CLTA: variants seen among roughly 807,000 people sequenced by gnomAD.
CLTA encodes the protein clathrin light chain A.
Under a neutral mutation model 26.9 loss-of-function variants are expected in CLTA, and 9 were observed. The observed-to-expected ratio is 0.33, with a 90% CI of 0.20 to 0.58. The LOEUF is 0.58. CLTA is among the 20% of genes least tolerant of loss of function. The pLI is 0.85. For missense variants in CLTA, 278 were observed against 294.2 expected (o/e 0.94, Z 0.40); for synonymous variants, 120 against 115.5 (o/e 1.04, Z -0.25).
At chr9:36,193,400 G>A (rs944260120) in intron 1 of CLTA, among the ~76,000 whole-genome samples, 1 of 150,824 alleles carries the variant, frequency 6.6e-6, no homozygotes, top group Non-Finnish European at 1.5e-5. Flanking sequence ...TTAGCTTTGT[G>A]ATCTCAGACA....
intron 4 of CLTA, 21 bp from the exon 5 acceptor site, chr9:36,211,582 A>T: frequency 6.3e-7 from 1 of 1,598,264 alleles, no homozygotes; most frequent in Non-Finnish European, 8.6e-7. Context: ...ATAAACCAAC[A>T]TATTTTGTTG....
intron 4 of CLTA, among the ~76,000 whole-genome samples, chr9:36,207,447 A>G (rs545548168): frequency 2.0e-5 from 3 of 152,252 alleles, no homozygotes; most frequent in Non-Finnish European, 4.4e-5. Flanking sequence ...AGAGATGGCA[A>G]ACATTTTTTT....
chr9:36,201,357 A>G (rs1172699402), intron 3 of CLTA, among the ~76,000 whole-genome samples: 1 of 152,220 alleles, frequency 6.6e-6, no homozygotes, highest in Non-Finnish European at 1.5e-5. Flanking sequence ...TTCTCTGACC[A>G]GTAACGAGGG....
chr9:36,191,936 C>G (rs1054476614), intron 1 of CLTA, among the ~76,000 whole-genome samples: 3 of 152,066 alleles, frequency 2.0e-5, no homozygotes, highest in African/African-American at 7.2e-5. Context: ...GGCAATATTG[C>G]CTAAGCAGAA....
chr9:36,209,244 C>A, intron 4 of CLTA: 1 of 1,613,528 alleles, frequency 6.2e-7, no homozygotes, highest in Admixed American at 1.7e-5. Flanking sequence ...GCTTGCCTGC[C>A]TTTTGGACCT....
In CLTA at chr9:36,211,804, C is replaced by T. The variant is rs772337115; in HGVS notation, c.*30C>T. The T allele has an allele frequency of 1.9e-5, 29 of 1,544,088 alleles. No individual in the cohort carries two copies. The highest frequency in any genetic ancestry group is 2.6e-5 in the Non-Finnish European group (29 of 1,122,276). On this transcript the variant is annotated 3_prime_UTR_variant, in exon 5 of 5. Transcript: ENST00000345519. ...CCACCCTGTGGAAACACTACATCTG[C>T]AATATCTTAATCCTACTCAGTGAAG...
intron 1 of CLTA, among the ~76,000 whole-genome samples, chr9:36,193,588 A>G (rs1326642263): frequency 6.6e-6 from 1 of 152,140 alleles, no homozygotes; most frequent in Non-Finnish European, 1.5e-5. Flanking sequence ...GAAAGGAGTT[A>G]CAAGGCCTTT....
rs774870543 is a variant in CLTA at position 36,199,025 on chromosome 9, A to C, written c.302A>C (p.Asp101Ala). The stretch of plus-strand genomic sequence containing the variant: ...AGTTATGCAGCTATTTCACAAGTGG[A>C]TCGATTGCAGTCAGAGCCTGAAAGT... ...TDSYAAISQV[D>A]RLQSEPESIR... The change falls in exon 3 of 5, where the codon GAT becomes GCT. Residue 101 changes from aspartate to alanine, a missense_variant. By Grantham distance (126) the Asp-to-Ala change is moderately radical. Transcript: ENST00000345519. 3 of 1,613,912 alleles carry C rather than the reference A, an allele frequency of 1.9e-6. No homozygotes were observed. The African/African-American group carries it at 4.0e-5, about 22-fold the overall frequency.
intron 4 of CLTA, chr9:36,209,130 G>C (rs1827893299): frequency 2.0e-6 from 2 of 1,020,906 alleles, no homozygotes; most frequent in Admixed American, 5.1e-5. Context: ...AGCCTCACGG[G>C]GGTTAGGAAG....
At chr9:36,207,180 TC>T (rs886211305) in intron 4 of CLTA, among the ~76,000 whole-genome samples, 1 of 152,150 alleles carries the variant, frequency 6.6e-6, no homozygotes, top group African/African-American at 2.4e-5. Flanking sequence ...CTATTGTCAG[TC>T]CCCAGACTGC....
rs1563909223 is a variant in CLTA at position 36,197,572 on chromosome 9, A to T, written c.239A>T (p.Asn80Ile). Residue 80 changes from asparagine to isoleucine, a missense_variant, in exon 2 of 5, where the codon AAT becomes ATT. Asn to Ile is a moderately radical substitution (Grantham distance 149). Coordinates refer to ENST00000345519, the MANE Select transcript of CLTA (RefSeq NM_001833.4). Reference sequence around the variant, plus strand: ...GCAGATGCTGTTGATGGAGTAATGAATGGTGAATACTACCAGGTACAGAGT... The same window carrying T: ...GCAGATGCTGTTGATGGAGTAATGATTGGTGAATACTACCAGGTACAGAGT... ...GGPDAVDGVM[N>I]GEYYQESNGP... 1 of 1,610,740 alleles carries T rather than the reference A, an allele frequency of 6.2e-7. No individual in the cohort carries two copies. The highest frequency in any genetic ancestry group is 8.5e-7 in the Non-Finnish European group (1 of 1,177,694).
At chr9:36,203,991 A>T (rs567178924) in intron 3 of CLTA, 77 bp from the exon 4 acceptor site, 1 of 1,580,022 alleles carries the variant, frequency 6.3e-7, no homozygotes, top group Admixed American at 1.8e-5. Flanking sequence ...CAAGTTCAGC[A>T]AGACCAAAAT....
intron 4 of CLTA, chr9:36,209,156 C>T (rs1827895572): frequency 2.2e-6 from 3 of 1,333,678 alleles, no homozygotes; most frequent in South Asian, 1.3e-5. Context: ...TTGGGAGCAG[C>T]TCCTCAGAGC....
chr9:36,200,963 C>T lies in CLTA; in HGVS notation c.373+1867C>T, dbSNP rs1476045133. On this transcript the variant is annotated intron_variant, in intron 3 of 4. Coordinates refer to ENST00000345519, the MANE Select transcript of CLTA (RefSeq NM_001833.4). ...TGCTTAGAGGCAAGATTTAGCTGGT[C>T]TTAGTACTGCTGTAGTATTTTTCAT... 4.6e-5 allele frequency among the ~76,000 whole-genome samples: 7 copies of T among 152,228 alleles called. 1 individual carries two copies. In the Middle Eastern group the frequency reaches 0.02, roughly 444 times the overall value.
chr9:36,200,928 C>T (rs1035407786), intron 3 of CLTA, among the ~76,000 whole-genome samples: 10 of 152,134 alleles, frequency 6.6e-5, no homozygotes, highest in African/African-American at 2.2e-4. Flanking sequence ...TTCTTTGTGT[C>T]TCTTGAGTAT....
rs1178389116 is a variant in CLTA at position 36,210,547 on chromosome 9, A to G, written c.486-1056A>G. On this transcript the variant is annotated intron_variant, in intron 4 of 4. Coordinates refer to ENST00000345519, the MANE Select transcript of CLTA (RefSeq NM_001833.4). ...CAAGGGCATGTCCAGCTTACTGACC[A>G]TCTGCATTGAGCTCATTCTCATTTT... is the stretch of plus-strand genomic sequence containing the variant. The G allele has an allele frequency of 9.9e-6, 16 of 1,608,894 alleles. No homozygotes were observed. In the Admixed American group the frequency reaches 1.3e-4, roughly 13 times the overall value.
In CLTA at chr9:36,191,268, G is replaced by T. The variant is rs898690659; in HGVS notation, c.212G>T (p.Gly71Val). The T allele has an allele frequency of 2.6e-5, 40 of 1,522,714 alleles. No homozygotes were observed. Among genetic ancestry groups the T allele is most frequent in the Non-Finnish European group, 3.2e-5 (36 of 1,140,544 alleles). The allele number at this position is 1,522,714 out of a possible 1,614,324, so 94.3% of individuals were successfully genotyped here. A position where few individuals can be genotyped will look rare whatever the true frequency, so the allele number is the denominator to read the frequency against. ...GPQPHGEPPG[G>V]PDAVDGVMNG... ...CAGCCGCACGGCGAGCCGCCGGGGG[G>T]TCCGGGTGAGAGTGCGGGCGCGTTT... Residue 71 changes from glycine to valine, a missense_variant, in exon 1 of 5, where the codon GGT becomes GTT. Transcript: ENST00000345519.
At position 36,199,079 on chromosome 9, in the gene CLTA, A is replaced by G; in HGVS notation, c.356A>G (p.Glu119Gly). ...SIRKWREEQM[E>G]RLEALDANSR... ...CGTAAATGGAGAGAAGAACAAATGG[A>G]ACGCTTGGAAGCCCTTGGTAAGGAA... The change falls in exon 3 of 5, where the codon GAA (glutamate) becomes GGA (glycine). Residue 119 changes from glutamate to glycine, a missense_variant. Coordinates refer to ENST00000345519, the MANE Select transcript of CLTA (RefSeq NM_001833.4). 1 of 1,612,260 alleles carries G rather than the reference A, an allele frequency of 6.2e-7. No homozygotes were observed. The highest frequency in any genetic ancestry group is 8.5e-7 in the Non-Finnish European group (1 of 1,178,322).
chr9:36,194,425 T>G (rs1370882711), intron 1 of CLTA, among the ~76,000 whole-genome samples: 2 of 152,162 alleles, frequency 1.3e-5, no homozygotes, highest in African/African-American at 4.8e-5. Flanking sequence ...GAGGGAAGTT[T>G]AGGGAAATCT....
Sources: gnomAD v4.1 joint callset for allele counts (sites outside exome capture counted in the v4.1 genomes callset) on GRCh38, gnomAD v4.1.1 for gene constraint, MANE v1.5 for transcripts, NCBI Gene and HGNC (gene_info 2026-07-23, HGNC 2026-07-21) for gene names.